The following GOT2 variants were observed in gnomAD, a reference collection of about 807,000 sequenced individuals.
GOT2 encodes the protein aspartate aminotransferase, mitochondrial.
In GOT2, 17 loss-of-function variants were observed where a neutral mutation model predicts 50.0. That is an observed-to-expected ratio of 0.34 (90% CI 0.23 to 0.51). GOT2 has a LOEUF of 0.51. GOT2 is among the 20% of genes least tolerant of loss of function. The probability of loss-of-function intolerance (pLI) is 0.97; values close to 1 mark genes in which losing one functional copy is unlikely to be tolerated. For missense variants in GOT2, 430 were observed against 559.6 expected, an observed-to-expected ratio of 0.77 and a Z score of 2.34; for synonymous variants, 172 against 204.9, an observed-to-expected ratio of 0.84 and a Z score of 1.37.
At chr16:58,729,577 T>A (rs1479472419) in intron 1 of GOT2, among the ~76,000 whole-genome samples, 1 of 151,762 alleles carries the variant, frequency 6.6e-6, no homozygotes, top group Non-Finnish European at 1.5e-5. Flanking sequence ...ACAAAGCCAC[T>A]GCCCATTGCT....
In GOT2 at chr16:58,707,537, T is replaced by C. The variant is rs1204099953; in HGVS notation, c.*634A>G. ...ATGGAGTTGATGGTCAATCAAGCAG[T>C]AGAATGGGATGAAAATCTGCAATAG... is the stretch of plus-strand genomic sequence containing the variant. On this transcript the variant is annotated 3_prime_UTR_variant, in exon 10 of 10. Coordinates refer to ENST00000245206, the MANE Select transcript of GOT2 (RefSeq NM_002080.4). The C allele has an allele frequency of 6.6e-6, 1 of 152,084 alleles. No homozygotes were observed. Among genetic ancestry groups the C allele is most frequent in the Non-Finnish European group, 1.5e-5 (1 of 68,034 alleles). The allele number at this position is 152,084 out of a possible 1,614,324, so 9.4% of individuals were successfully genotyped here. A position where few individuals can be genotyped will look rare whatever the true frequency, so the allele number is the denominator to read the frequency against.
At chr16:58,715,918 G>A in intron 8 of GOT2, 96 bp downstream of exon 8, 2 of 926,788 alleles carry the variant, frequency 2.2e-6, no homozygotes, top group Non-Finnish European at 3.2e-6. Flanking sequence ...TGGAATCTAT[G>A]GGGTACTGTA....
chr16:58,729,087 T>C (rs2044811491), intron 1 of GOT2, among the ~76,000 whole-genome samples: 2 of 151,996 alleles, frequency 1.3e-5, no homozygotes, highest in African/African-American at 4.8e-5. Context: ...GCCAGTTCTT[T>C]TAATAGCTTG....
At chr16:58,710,967 CAAAAAAAAAAA>C (rs35679170) in intron 8 of GOT2, among the ~76,000 whole-genome samples, 1 of 73,036 alleles carries the variant, frequency 1.4e-5, no homozygotes, top group Non-Finnish European at 2.4e-5. Flanking sequence ...GACTCTGTCT[CAAAAAAAAAAA>C]AAAAAAAAAA....
chr16:58,731,166 C>T (rs2044832178), intron 1 of GOT2, among the ~76,000 whole-genome samples: 1 of 151,990 alleles, frequency 6.6e-6, no homozygotes, highest in Non-Finnish European at 1.5e-5. Flanking sequence ...CACAGTCTTG[C>T]TTTGTTGCTC....
intron 8 of GOT2, among the ~76,000 whole-genome samples, chr16:58,710,544 T>C (rs2044638426): frequency 6.6e-6 from 1 of 152,094 alleles, no homozygotes; most frequent in African/African-American, 2.4e-5. Context: ...TTCTGACTTA[T>C]GACAGGCTTA....
In GOT2 at chr16:58,708,244, C is replaced by T. The variant is rs893034455; in HGVS notation, c.1220G>A (p.Arg407His). The T allele has an allele frequency of 7.4e-6, 12 of 1,613,650 alleles. No individual in the cohort carries two copies. The highest frequency in any genetic ancestry group is 2.2e-5 in the East Asian group (1 of 44,882). Residue 407 changes from arginine (R) to histidine (H), a missense_variant, in exon 10 of 10, where the codon CGC becomes CAC. By Grantham distance (29) the Arg-to-His change is conservative. Transcript: ENST00000245206. The part of the protein sequence containing the change: ...EFSIYMTKDG[R>H]ISVAGVTSSN... The stretch of plus-strand genomic sequence containing the variant: ...GGAGGTGACCCCTGCCACAGAGATG[C>T]GGCCATCTTTTGTCATGTAGATGGA...
At chr16:58,710,608 A>G (rs893948409) in intron 8 of GOT2, among the ~76,000 whole-genome samples, 8 of 152,146 alleles carry the variant, frequency 5.3e-5, no homozygotes, top group African/African-American at 1.9e-4. Context: ...TGGGCGGGGC[A>G]CGGTGGCTCA....
In GOT2 at chr16:58,708,209, C is replaced by T; in HGVS notation, c.1255G>A (p.Gly419Ser). Residue 419 changes from glycine to serine, a missense_variant, in exon 10 of 10, where the codon GGC (glycine) becomes AGC (serine). Coordinates refer to ENST00000245206, the MANE Select transcript of GOT2 (RefSeq NM_002080.4). Reference sequence around the variant, plus strand: ...TGGTGAATGGCATGGGCAAGGTAGCCCACGTTGCTGGAGGTGACCCCTGCC... The same window carrying T: ...TGGTGAATGGCATGGGCAAGGTAGCTCACGTTGCTGGAGGTGACCCCTGCC... ...SVAGVTSSNV[G>S]YLAHAIHQVT... The T allele has an allele frequency of 6.2e-7, 1 of 1,614,074 alleles. No individual in the cohort carries two copies. Among genetic ancestry groups the T allele is most frequent in the South Asian group, 1.1e-5 (1 of 91,072 alleles).
Position 58,708,156 on chromosome 16 carries a change from C to T in GOT2, c.*15G>A. The stretch of plus-strand genomic sequence containing the variant: ...AAGACAGAAAGGTTGTCTCTGTTTC[C>T]TCGCACCAGGGACATTACTTGGTGA... On this transcript the variant is annotated 3_prime_UTR_variant, in exon 10 of 10. Coordinates refer to ENST00000245206, the MANE Select transcript of GOT2 (RefSeq NM_002080.4). 1.2e-5 allele frequency: 20 copies of T among 1,612,446 alleles called. No individual in the cohort carries two copies. The highest frequency in any genetic ancestry group is 1.6e-5 in the Non-Finnish European group (19 of 1,179,176).
intron 8 of GOT2, among the ~76,000 whole-genome samples, chr16:58,715,085 T>C (rs369370745): frequency 1.1e-3 from 165 of 152,230 alleles, no homozygotes; most frequent in African/African-American, 3.6e-3. Flanking sequence ...GGCTCACACC[T>C]GCAATCCCAG....
At chr16:58,718,972 C>T (rs2044718372) in intron 4 of GOT2, among the ~76,000 whole-genome samples, 1 of 152,168 alleles carries the variant, frequency 6.6e-6, no homozygotes, top group African/African-American at 2.4e-5. Flanking sequence ...GCAAAAGCTC[C>T]CTAGTAAATA....
intron 1 of GOT2, among the ~76,000 whole-genome samples, chr16:58,732,896 C>T (rs1189252579): frequency 2.6e-5 from 4 of 152,332 alleles, no homozygotes; most frequent in South Asian, 4.1e-4. Flanking sequence ...ACTAGGTAGG[C>T]AGACTTAAAG....
At position 58,723,287 on chromosome 16, in the gene GOT2, G is replaced by T. The variant is rs1597703443; in HGVS notation, c.246+459C>A. Among the ~76,000 whole-genome samples the T allele has an allele frequency of 2.0e-5, 3 of 152,180 alleles. No homozygotes were observed. In the East Asian group the frequency reaches 5.8e-4, roughly 29 times the overall value. ...TAATAAAAATATAACAAAAGAAAGA[G>T]GTGAAAATTGCATAGCTCAGCAGGA... is the stretch of plus-strand genomic sequence containing the variant. On this transcript the variant is annotated intron_variant, in intron 2 of 9. Transcript: ENST00000245206.
chr16:58,724,892 T>C (rs2044770648), intron 1 of GOT2, among the ~76,000 whole-genome samples: 1 of 152,168 alleles, frequency 6.6e-6, no homozygotes, highest in Non-Finnish European at 1.5e-5. Flanking sequence ...TTTTACCTAT[T>C]TCTGTTCCAC....
rs766868890 is a variant in GOT2, at chr16:58,716,711, T to A, written c.805A>T (p.Ile269Phe). 2 of 1,613,990 alleles carry A rather than the reference T, an allele frequency of 1.2e-6. No individual in the cohort carries two copies. The highest frequency in any genetic ancestry group is 1.7e-6 in the Non-Finnish European group (2 of 1,179,860). ...WAVRHFIEQG[I>F]NVCLCQSYAK... ...TATGATTGGCAGAGGCAAACATTAA[T>A]GCCCTGTTCGATGAAGTGGCGCACA... is the stretch of plus-strand genomic sequence containing the variant. Residue 269 changes from isoleucine to phenylalanine, a missense_variant, in exon 7 of 10, where the codon ATT (isoleucine) becomes TTT (phenylalanine). Transcript: ENST00000245206.
Position 58,716,943 on chromosome 16 carries a change from T to G in GOT2, c.703-130A>C, listed in dbSNP as rs142719060. The G allele has an allele frequency of 9.3e-5, 69 of 743,654 alleles. No homozygotes were observed. In the African/African-American group the frequency reaches 1.2e-3, roughly 13 times the overall value. The allele number at this position is 743,654 out of a possible 1,614,324, so 46.1% of individuals were successfully genotyped here. On this transcript the variant is annotated intron_variant, in intron 6 of 9. Transcript: ENST00000245206. ...AAGCACAATAAGCCTTTTCTGGGGC[T>G]AACGTAATCCTGGAAGACTCAACTT...
intron 8 of GOT2, among the ~76,000 whole-genome samples, chr16:58,714,746 G>C (rs2044678433): frequency 6.6e-6 from 1 of 151,926 alleles, no homozygotes; most frequent in Admixed American, 6.6e-5. Flanking sequence ...AAAAACTCGA[G>C]TAAAGCACAT....
intron 9 of GOT2, among the ~76,000 whole-genome samples, 157 bp from the exon 10 acceptor site, chr16:58,708,450 C>G (rs2044620570): frequency 6.6e-6 from 1 of 152,080 alleles, no homozygotes. Flanking sequence ...GAATAAAAAG[C>G]TACTTTAAGG....
Sources: gnomAD v4.1 joint callset for allele counts (sites outside exome capture counted in the v4.1 genomes callset) on GRCh38, gnomAD v4.1.1 for gene constraint, MANE v1.5 for transcripts, NCBI Gene and HGNC (gene_info 2026-07-23, HGNC 2026-07-21) for gene names.